Variants in NALF1 observed in about 807,000 individuals in gnomAD.
NALF1 encodes the protein NALCN channel auxiliary factor 1.
A neutral mutation model predicts 48.4 loss-of-function variants in NALF1; 3 were observed. That is an observed-to-expected ratio of 0.06 (90% CI 0.03 to 0.16). NALF1 has a LOEUF of 0.16. NALF1 is among the 10% of genes least tolerant of loss of function. The pLI is 1.00. For missense variants in NALF1, 526 were observed against 571.5 expected (o/e 0.92, Z 0.81); for synonymous variants, 262 against 245.7 (o/e 1.07, Z -0.62).
chr13:107,340,547 A>G (rs1455626796), intron 1 of NALF1, among the ~76,000 whole-genome samples: 1 of 147,534 alleles, frequency 6.8e-6, no homozygotes, highest in Admixed American at 6.9e-5. Context: ...ATATCAAGCT[A>G]GAAAATAAAA....
chr13:107,863,384 C>G (rs7988443), intron 1 of NALF1, among the ~76,000 whole-genome samples: 1 of 151,972 alleles, frequency 6.6e-6, no homozygotes, highest in Non-Finnish European at 1.5e-5. Flanking sequence ...CTACATATAA[C>G]CAATTGATTT....
At chr13:107,651,106 C>A (rs981223660) in intron 1 of NALF1, among the ~76,000 whole-genome samples, 1 of 136,976 alleles carries the variant, frequency 7.3e-6, no homozygotes, top group African/African-American at 2.7e-5. Context: ...ATTATAAATT[C>A]ATTGCTTTAT....
chr13:107,174,701 C>A (rs773129482), intron 2 of NALF1, among the ~76,000 whole-genome samples: 17 of 151,594 alleles, frequency 1.1e-4, no homozygotes, highest in Non-Finnish European at 2.2e-4. Flanking sequence ...GATCAGACTT[C>A]CCAGAAAAGT....
intron 1 of NALF1, among the ~76,000 whole-genome samples, chr13:107,322,741 A>C (rs1021912506): frequency 2.6e-5 from 4 of 151,900 alleles, no homozygotes; most frequent in Non-Finnish European, 5.9e-5. Context: ...TCCTTTGTCC[A>C]CTCTTTCAAG....
intron 1 of NALF1, among the ~76,000 whole-genome samples, chr13:107,793,705 TC>T (rs1878320271): frequency 6.6e-6 from 1 of 152,218 alleles, no homozygotes; most frequent in African/African-American, 2.4e-5. Context: ...TTATTCTGAA[TC>T]AATTTCTACT....
chr13:107,633,673 CTTT>C (rs947691966), intron 1 of NALF1, among the ~76,000 whole-genome samples: 34 of 149,712 alleles, frequency 2.3e-4, no homozygotes, highest in African/African-American at 8.3e-4. Context: ...AGTTTTTTAA[CTTT>C]ATTATACATT....
intron 2 of NALF1, among the ~76,000 whole-genome samples, chr13:107,205,959 G>A (rs550526744): frequency 6.6e-6 from 1 of 152,096 alleles, no homozygotes; most frequent in East Asian, 2.0e-4. Flanking sequence ...TTACCACGAT[G>A]ACGGGTTGAC....
At chr13:107,315,536 C>A (rs1882130701) in intron 1 of NALF1, among the ~76,000 whole-genome samples, 2 of 152,084 alleles carry the variant, frequency 1.3e-5, no homozygotes, top group Admixed American at 1.3e-4. Flanking sequence ...AAACTACAGG[C>A]AATTTCATAT....
chr13:107,575,979 TATG>T (rs746158479), intron 1 of NALF1, among the ~76,000 whole-genome samples: 28 of 116,690 alleles, frequency 2.4e-4, no homozygotes, highest in Non-Finnish European at 3.9e-4. Context: ...TGTGTGTGCA[TATG>T]TGTGTGTGCA....
intron 1 of NALF1, among the ~76,000 whole-genome samples, chr13:107,429,047 G>A (rs1250418342): frequency 6.6e-6 from 1 of 152,196 alleles, no homozygotes; most frequent in Non-Finnish European, 1.5e-5. Context: ...GATTAGCCGG[G>A]CACGGTGGCT....
In NALF1 at chr13:107,215,642, G is replaced by T. The variant is rs79796081; in HGVS notation, c.916-4887C>A. On this transcript the variant is annotated intron_variant, in intron 1 of 2. Transcript: ENST00000375915. ...AAGAAATGCGTTACATGCAAATCTG[G>T]ACAATCCTGAAGTAGCCCATGCATT... Among the ~76,000 whole-genome samples, 1,106 of 152,304 alleles carry T rather than the reference G, an allele frequency of 7.3e-3. 12 individuals are homozygous for T. The highest frequency in any genetic ancestry group is 0.025 in the African/African-American group (1,035 of 41,558).
chr13:107,371,377 G>A (rs1883245616), intron 1 of NALF1, among the ~76,000 whole-genome samples: 1 of 152,170 alleles, frequency 6.6e-6, no homozygotes, highest in East Asian at 1.9e-4. Context: ...AGCCCAGGAA[G>A]TGGAGGCTGC....
At chr13:107,373,358 T>C (rs1883280330) in intron 1 of NALF1, among the ~76,000 whole-genome samples, 1 of 151,804 alleles carries the variant, frequency 6.6e-6, no homozygotes, top group Non-Finnish European at 1.5e-5. Flanking sequence ...AGAAGGAGAG[T>C]AGACCCAAGA....
chr13:107,700,752 A>G (rs963577662), intron 1 of NALF1, among the ~76,000 whole-genome samples: 3 of 152,094 alleles, frequency 2.0e-5, no homozygotes, highest in African/African-American at 4.8e-5. Flanking sequence ...TTAATATCCA[A>G]AATTTATAAA....
chr13:107,617,441 T>C (rs1874413047), intron 1 of NALF1, among the ~76,000 whole-genome samples: 1 of 152,232 alleles, frequency 6.6e-6, no homozygotes, highest in Non-Finnish European at 1.5e-5. Flanking sequence ...ACATCCTTCC[T>C]AGGCACATTA....
chr13:107,245,751 TTTC>T (rs1880569030), intron 1 of NALF1, among the ~76,000 whole-genome samples: 1 of 152,126 alleles, frequency 6.6e-6, no homozygotes, highest in African/African-American at 2.4e-5. Context: ...AAATAAGGGA[TTTC>T]TTTTTTTTTA....
In NALF1 at chr13:107,763,610, A is replaced by G. The variant is rs546301786; in HGVS notation, c.915+102072T>C. On this transcript the variant is annotated intron_variant, in intron 1 of 2. Transcript: ENST00000375915. ...TGCTTTTGCTTGTCTTATACAAACA[A>G]CATTAATGAAAAAGCAGCACATAGA... Among the ~76,000 whole-genome samples, 3 of 152,284 alleles carry G rather than the reference A, an allele frequency of 2.0e-5. No homozygotes were observed. In the South Asian group the frequency reaches 6.2e-4, roughly 32 times the overall value.
chr13:107,353,287 G>GT (rs35178504), intron 1 of NALF1, among the ~76,000 whole-genome samples: 1 of 152,148 alleles, frequency 6.6e-6, no homozygotes, highest in East Asian at 1.9e-4. Flanking sequence ...CCTTATGTCA[G>GT]TTTTTTAGTG....
At chr13:107,585,318 G>A (rs1169616628) in intron 1 of NALF1, among the ~76,000 whole-genome samples, 1 of 149,738 alleles carries the variant, frequency 6.7e-6, no homozygotes, top group Non-Finnish European at 1.5e-5. Flanking sequence ...TGGCAAATGC[G>A]AGTAAAGAAA....
Sources: allele counts gnomAD v4.1 joint callset (sites outside exome capture counted in the v4.1 genomes callset), GRCh38; gene constraint gnomAD v4.1.1; transcripts MANE v1.5; gene names NCBI Gene and HGNC (gene_info 2026-07-23, HGNC 2026-07-21).